Variants in SLC4A8 observed in about 807,000 individuals in gnomAD.
SLC4A8 encodes the protein electroneutral sodium bicarbonate exchanger 1.
Under a neutral mutation model 125.0 loss-of-function variants are expected in SLC4A8, and 40 were observed. That is an observed-to-expected ratio of 0.32 (90% CI 0.25 to 0.42). SLC4A8 has a LOEUF of 0.42. Ranked by LOEUF, SLC4A8 falls within the 10% of genes least tolerant of loss-of-function variation. SLC4A8 has a pLI of 1.00. For synonymous variants in SLC4A8, 456 were observed against 476.0 expected, an observed-to-expected ratio of 0.96 and a Z score of 0.55; for missense variants, 863 against 1,355.1, an observed-to-expected ratio of 0.64 and a Z score of 5.70.
In SLC4A8 at chr12:51,474,354, T is replaced by C; in HGVS notation, c.1917T>C (p.Thr639=). 6.3e-7 allele frequency: 1 copy of C among 1,588,168 alleles called. No individual in the cohort carries two copies. Among genetic ancestry groups the C allele is most frequent in the Non-Finnish European group, 8.6e-7 (1 of 1,159,284 alleles). The change falls in exon 15 of 25, where the codon ACT becomes ACC. Residue 639 remains threonine (T), a synonymous_variant. Coordinates refer to ENST00000453097, the MANE Select transcript of SLC4A8 (RefSeq NM_001039960.3). ...TTTTTCCCCTCAGCTGCAGGTGTAC[T>C]CTGCCAGAGAATCCAAACAATCACA... ...DHLSLYYCRC[T]LPENPNNHTL...
intron 1 of SLC4A8, among the ~76,000 whole-genome samples, chr12:51,400,958 A>G (rs983717837): frequency 4.0e-5 from 6 of 150,476 alleles, no homozygotes; most frequent in African/African-American, 1.5e-4. Context: ...TGAAACGGGA[A>G]AGGTTCCCTT....
chr12:51,460,849 A>G (rs945062721), intron 8 of SLC4A8, among the ~76,000 whole-genome samples: 2 of 152,180 alleles, frequency 1.3e-5, no homozygotes, highest in African/African-American at 2.4e-5. Flanking sequence ...TCCTCTCCCC[A>G]TCATTTTCTG....
chr12:51,408,422 C>T (rs539642860), intron 1 of SLC4A8, among the ~76,000 whole-genome samples: 8 of 151,808 alleles, frequency 5.3e-5, no homozygotes, highest in African/African-American at 1.7e-4. Flanking sequence ...TTTTTAGTAG[C>T]GATGGGGTTT....
intron 1 of SLC4A8, among the ~76,000 whole-genome samples, chr12:51,403,488 G>A (rs565950178): frequency 1.3e-5 from 2 of 152,224 alleles, no homozygotes; most frequent in Non-Finnish European, 2.9e-5. Context: ...CAAAGCAGCT[G>A]AAAGCAGTGC....
intron 21 of SLC4A8, among the ~76,000 whole-genome samples, chr12:51,495,470 C>CTTTTTTTTTTTTTTTTTT (rs3028942): frequency 1.4e-4 from 11 of 76,274 alleles, no homozygotes; most frequent in Non-Finnish European, 2.4e-4. Flanking sequence ...TTTCTTTCTT[C>CTTTTTTTTTTTTTTTTTT]TTTTTTTTTT....
rs752965014 is a variant in SLC4A8 at position 51,471,400 on chromosome 12, G to T, written c.1772G>T (p.Arg591Leu). The T allele has an allele frequency of 6.8e-6, 11 of 1,613,938 alleles. No individual in the cohort carries two copies. Among genetic ancestry groups the T allele is most frequent in the Non-Finnish European group, 7.6e-6 (9 of 1,180,004 alleles). The change falls in exon 14 of 25, where the codon CGT (arginine) becomes CTT (leucine). Residue 591 changes from arginine (R) to leucine (L), a missense_variant. Physicochemically the swap from Arg to Leu is moderately radical, Grantham distance 102. Coordinates refer to ENST00000453097, the MANE Select transcript of SLC4A8 (RefSeq NM_001039960.3). ...DASSLVCYIT[R>L]FTEEAFASLI... ...AGTTCCCTTGTCTGCTACATTACCC[G>T]TTTCACTGAAGAAGCATTTGCCTCC...
rs1565745991 is a variant in SLC4A8 at position 51,394,303 on chromosome 12, AT to A, written c.-112+2816del. Among the ~76,000 whole-genome samples the A allele has an allele frequency of 2.0e-5, 3 of 152,388 alleles. No homozygotes were observed. In the East Asian group the frequency reaches 5.8e-4, roughly 29 times the overall value. On this transcript the variant is annotated intron_variant, in intron 1 of 24. Transcript: ENST00000358657. ...TTACTTCAGCTGACGCTGATTTTAA[AT>A]GTGACTTGGAATCCTCAGAATAATT...
chr12:51,451,666 G>A (rs185797902), intron 3 of SLC4A8, among the ~76,000 whole-genome samples: 14 of 151,848 alleles, frequency 9.2e-5, no homozygotes, highest in Non-Finnish European at 8.8e-5. Context: ...TGGAATAAGT[G>A]TGTGTGTGTG....
In SLC4A8 at chr12:51,462,333, G is replaced by A. The variant is rs148358812; in HGVS notation, c.1125G>A (p.Lys375=). 45 of 1,613,892 alleles carry A rather than the reference G, an allele frequency of 2.8e-5. No individual in the cohort carries two copies. The highest frequency in any genetic ancestry group is 5.3e-5 in the African/African-American group (4 of 74,894). ...AGATTTTTCATGACGTAGCATATAA[G>A]GCAAAAGAGCGAGATGATCTCCTGG... ...TDEIFHDVAY[K]AKERDDLLAG... Residue 375 remains lysine, a synonymous_variant, in exon 10 of 25, where the codon AAG becomes AAA. Transcript: ENST00000453097.
At chr12:51,407,815 A>G (rs902578676) in intron 1 of SLC4A8, 1 of 152,360 alleles carries the variant, frequency 6.6e-6, no homozygotes. Context: ...CTGCTATAAC[A>G]AAGTACCACA....
chr12:51,420,059 T>G (rs1042239208), upstream of SLC4A8: 1 of 152,194 alleles, frequency 6.6e-6, no homozygotes, highest in African/African-American at 2.4e-5. Flanking sequence ...TGCATAACCT[T>G]TTCAGCTTGA....
rs1938479610 is a variant in SLC4A8 at position 51,514,872 on chromosome 12, T to C, written c.*7434T>C. 6.6e-6 allele frequency: 1 copy of C among 152,226 alleles called. No homozygotes were observed. Among genetic ancestry groups the C allele is most frequent in the African/African-American group, 2.4e-5 (1 of 41,462 alleles). 9.4% of individuals were successfully genotyped at this position (152,226 alleles called of 1,614,324 possible). On this transcript the variant is annotated 3_prime_UTR_variant, in exon 25 of 25. Coordinates refer to ENST00000453097, the MANE Select transcript of SLC4A8 (RefSeq NM_001039960.3). Reference sequence around the variant, plus strand: ...AGGAAAGGAGTGTTATGTGAACCTTTTCAGTAGGGAAATTCAGAAAATGGA... The same window carrying C: ...AGGAAAGGAGTGTTATGTGAACCTTCTCAGTAGGGAAATTCAGAAAATGGA...
At chr12:51,473,657 A>C (rs1050503393) in intron 14 of SLC4A8, among the ~76,000 whole-genome samples, 3 of 152,230 alleles carry the variant, frequency 2.0e-5, no homozygotes, top group African/African-American at 7.2e-5. Context: ...CAGGTCAGGC[A>C]TGAAGCATGC....
chr12:51,461,447 G>T, intron 9 of SLC4A8, 156 bp downstream of exon 9: 2 of 537,264 alleles, frequency 3.7e-6, no homozygotes, highest in South Asian at 5.3e-5. Flanking sequence ...GCCCAGTGTG[G>T]AAGGACCAAG....
chr12:51,473,460 T>G (rs1290435467), intron 14 of SLC4A8, among the ~76,000 whole-genome samples: 1 of 152,248 alleles, frequency 6.6e-6, no homozygotes, highest in Non-Finnish European at 1.5e-5. Context: ...TTTTTAAACC[T>G]AAGTATAGGG....
chr12:51,503,226 A>T (rs1367730765), intron 22 of SLC4A8, among the ~76,000 whole-genome samples: 3 of 115,638 alleles, frequency 2.6e-5, no homozygotes, highest in Non-Finnish European at 3.9e-5. Flanking sequence ...TTTATTTTTT[A>T]TTTTTATTTT....
rs1184798129 is a variant in SLC4A8, at chr12:51,452,799, G to C, written c.413+540G>C. ...GGTTGTAGAATAATTATGCTTCTCT[G>C]AGACTCAAATCCCAGAAGAGCCCTC... is the stretch of plus-strand genomic sequence containing the variant. On this transcript the variant is annotated intron_variant, in intron 4 of 24. Transcript: ENST00000453097. 2.6e-5 allele frequency among the ~76,000 whole-genome samples: 4 copies of C among 152,304 alleles called. No homozygotes were observed. The East Asian group carries it at 5.8e-4, about 22-fold the overall frequency.
chr12:51,430,496 C>G (rs910393331), intron 1 of SLC4A8, among the ~76,000 whole-genome samples: 1 of 152,146 alleles, frequency 6.6e-6, no homozygotes, highest in Non-Finnish European at 1.5e-5. Flanking sequence ...TCCACCCTCT[C>G]CTCACACATA....
intron 24 of SLC4A8, among the ~76,000 whole-genome samples, 198 bp from the exon 25 acceptor site, chr12:51,507,228 G>C (rs1938209602): frequency 6.6e-6 from 1 of 152,228 alleles, no homozygotes; most frequent in Non-Finnish European, 1.5e-5. Context: ...ATAGAATCTT[G>C]TTTCCTTCGG....
Sources: gnomAD v4.1 joint callset for allele counts (sites outside exome capture counted in the v4.1 genomes callset) on GRCh38, gnomAD v4.1.1 for gene constraint, MANE v1.5 for transcripts, NCBI Gene and HGNC (gene_info 2026-07-23, HGNC 2026-07-21) for gene names.